C12orf56: variants seen among roughly 807,000 people sequenced by gnomAD.
The protein encoded by C12orf56 is chromosome 12 open reading frame 56.
A neutral mutation model predicts 69.9 loss-of-function variants in C12orf56; 71 were observed. That is an observed-to-expected ratio of 1.02 (90% confidence interval 0.84 to 1.24). The LOEUF is 1.24. Among genes scored for constraint, C12orf56 ranks in the 50% most tolerant of loss-of-function variants. The pLI, the probability that C12orf56 is intolerant of heterozygous loss-of-function variation, is 0.00. For synonymous variants in C12orf56, 276 were observed against 274.1 expected (o/e 1.01, Z -0.07); for missense variants, 732 against 738.5 (o/e 0.99, Z 0.10).
At chr12:64,369,752 G>T (rs1053189190) in intron 1 of C12orf56, among the ~76,000 whole-genome samples, 1 of 151,872 alleles carries the variant, frequency 6.6e-6, no homozygotes, top group Non-Finnish European at 1.5e-5. Flanking sequence ...GGAGGCCAAG[G>T]CTGGTGGATC....
Position 64,361,506 on chromosome 12 carries a change from T to C in C12orf56, c.253-8450A>G, listed in dbSNP as rs540334317. Among the ~76,000 whole-genome samples, 13 of 152,248 alleles carry C rather than the reference T, an allele frequency of 8.5e-5. No individual in the cohort carries two copies. In the East Asian group the frequency reaches 1.2e-3, roughly 14 times the overall value. ...CAGCTAAAACCCACCAAAACCAAGA[T>C]GGTGATGAGAGTGACCTCTGGTTGT... On this transcript the variant is annotated intron_variant, in intron 1 of 12. Coordinates refer to ENST00000543942, the MANE Select transcript of C12orf56 (RefSeq NM_001170633.2).
Position 64,282,487 on chromosome 12 carries a change from T to C in C12orf56, c.1310+2177A>G, listed in dbSNP as rs529520922. 6.6e-5 allele frequency among the ~76,000 whole-genome samples: 10 copies of C among 152,182 alleles called. No homozygotes were observed. The South Asian group carries it at 2.1e-3, about 32-fold the overall frequency. On this transcript the variant is annotated intron_variant, in intron 8 of 12. Coordinates refer to ENST00000543942, the MANE Select transcript of C12orf56 (RefSeq NM_001170633.2). ...TGCCCACTCCTGCTACACAACATAA[T>C]ATGCCGGCTTGGCACAGTGGCTCAT...
chr12:64,296,772 T>C (rs918780162), intron 6 of C12orf56, among the ~76,000 whole-genome samples: 2 of 152,014 alleles, frequency 1.3e-5, no homozygotes, highest in Non-Finnish European at 2.9e-5. Context: ...CTTTAAGAGG[T>C]TGATTGGGTC....
chr12:64,277,949 C>T, intron 8 of C12orf56, 146 bp from the exon 9 acceptor site: 1 of 477,738 alleles, frequency 2.1e-6, no homozygotes, highest in Non-Finnish European at 3.4e-6. Flanking sequence ...GATCCTTGGA[C>T]ACGCAAATGA....
intron 2 of C12orf56, 21 bp from the exon 3 acceptor site, chr12:64,331,053 T>G (rs1285569415): frequency 6.7e-7 from 1 of 1,495,602 alleles, no homozygotes; most frequent in Admixed American, 2.0e-5. Context: ...AAATAGTTAT[T>G]TGGTCATTAA....
At chr12:64,362,157 G>A (rs1480775464) in intron 1 of C12orf56, among the ~76,000 whole-genome samples, 3 of 152,190 alleles carry the variant, frequency 2.0e-5, no homozygotes, top group Middle Eastern at 3.4e-3. Flanking sequence ...ACAGCAACTA[G>A]CTGTCTTTTC....
chr12:64,338,773 G>A, intron 2 of C12orf56: 1 of 1,386,960 alleles, frequency 7.2e-7, no homozygotes, highest in Non-Finnish European at 1.0e-6. Flanking sequence ...GCTTTTGCAT[G>A]TCAGCATTGC....
In C12orf56 at chr12:64,295,333, G is replaced by A. The variant is rs189426174; in HGVS notation, c.1113+8302C>T. ...GAGCGAAACAGACAGACATGTGTCT[G>A]TTCTTCTAAAACTTGGAGTTTAGTC... On this transcript the variant is annotated intron_variant, in intron 6 of 12. Transcript: ENST00000543942. 7.6e-4 allele frequency among the ~76,000 whole-genome samples: 115 copies of A among 152,302 alleles called. 1 individual carries two copies. The highest frequency in any genetic ancestry group is 2.2e-3 in the Admixed American group (34 of 15,296).
chr12:64,308,036 C>T (rs1029439684), intron 5 of C12orf56, among the ~76,000 whole-genome samples: 5 of 151,536 alleles, frequency 3.3e-5, no homozygotes, highest in Admixed American at 1.3e-4. Flanking sequence ...AAAATATAAA[C>T]GGCTGGGCGC....
At chr12:64,338,212 C>T (rs1034588412) in intron 2 of C12orf56, 3 of 573,202 alleles carry the variant, frequency 5.2e-6, no homozygotes, top group African/African-American at 3.8e-5. Flanking sequence ...CCTGAACAAG[C>T]CCCCCGACTT....
intron 4 of C12orf56, among the ~76,000 whole-genome samples, chr12:64,314,043 CAAAAAAA>C (rs762340003): frequency 1.2e-3 from 80 of 67,120 alleles, no homozygotes; most frequent in African/African-American, 4.3e-3. Flanking sequence ...AACTCTGTCT[CAAAAAAA>C]AAAAAAAAAA....
At chr12:64,374,523 CATT>C (rs1273853223) in intron 1 of C12orf56, among the ~76,000 whole-genome samples, 1 of 151,972 alleles carries the variant, frequency 6.6e-6, no homozygotes, top group Non-Finnish European at 1.5e-5. Context: ...TTTATCAAAA[CATT>C]ACTTTTTTTT....
In C12orf56 at chr12:64,337,001, C is replaced by T. The variant is rs73311858; in HGVS notation, c.416-5969G>A. The stretch of plus-strand genomic sequence containing the variant: ...ACTGAGACTCATAAAGGTTAAGTGA[C>T]TTGCTTAAGGTCACACATCCAGGAA... On this transcript the variant is annotated intron_variant, in intron 2 of 12. Transcript: ENST00000543942. Among the ~76,000 whole-genome samples, 467 of 152,266 alleles carry T rather than the reference C, an allele frequency of 3.1e-3. 4 individuals carry two copies. The highest frequency in any genetic ancestry group is 0.011 in the African/African-American group (442 of 41,556).
intron 1 of C12orf56, among the ~76,000 whole-genome samples, chr12:64,368,710 A>G (rs959408735): frequency 6.6e-6 from 1 of 152,190 alleles, no homozygotes; most frequent in Non-Finnish European, 1.5e-5. Flanking sequence ...CAAACTGGCT[A>G]ATCACAGTAG....
chr12:64,275,940 T>G (rs1251827998), intron 9 of C12orf56, among the ~76,000 whole-genome samples: 1 of 152,064 alleles, frequency 6.6e-6, no homozygotes, highest in African/African-American at 2.4e-5. Context: ...AATTGCATAT[T>G]TGATTTGCAA....
chr12:64,271,331 G>A (rs2037988124), intron 11 of C12orf56, among the ~76,000 whole-genome samples: 1 of 151,970 alleles, frequency 6.6e-6, no homozygotes, highest in Admixed American at 6.6e-5. Context: ...CAGGCATGGT[G>A]TCACATGTCT....
chr12:64,330,576 G>T (rs2136864381), intron 3 of C12orf56, among the ~76,000 whole-genome samples: 1 of 152,258 alleles, frequency 6.6e-6, no homozygotes, highest in Non-Finnish European at 1.5e-5. Context: ...TTGTGCAAAT[G>T]CTGTATATCT....
At chr12:64,317,993 A>C (rs2038711154) in intron 4 of C12orf56, among the ~76,000 whole-genome samples, 1 of 152,066 alleles carries the variant, frequency 6.6e-6, no homozygotes, top group South Asian at 2.1e-4. Context: ...TTCCAGGATA[A>C]GACTTGTCTC....
chr12:64,282,334 T>C (rs993378812), intron 8 of C12orf56, among the ~76,000 whole-genome samples: 7 of 152,274 alleles, frequency 4.6e-5, no homozygotes, highest in African/African-American at 1.7e-4. Flanking sequence ...AACACAACTG[T>C]GTCCATTCGT....
Sources: allele counts gnomAD v4.1 joint callset (sites outside exome capture counted in the v4.1 genomes callset), GRCh38; gene constraint gnomAD v4.1.1; transcripts MANE v1.5; gene names NCBI Gene and HGNC (gene_info 2026-07-23, HGNC 2026-07-21).